FLT1: variants seen among roughly 807,000 people sequenced by gnomAD.
The protein encoded by FLT1 is fms related receptor tyrosine kinase 1, also known as vascular endothelial growth factor receptor 1.
A neutral mutation model predicts 156.3 loss-of-function variants in FLT1; 49 were observed. The observed-to-expected ratio is 0.31, with a 90% CI of 0.25 to 0.40. FLT1 has a LOEUF of 0.40. Ranked by LOEUF, FLT1 falls within the 10% of genes least tolerant of loss-of-function variation. FLT1 has a pLI of 1.00. For missense variants in FLT1, 1,322 were observed against 1,637.2 expected, an observed-to-expected ratio of 0.81 and a Z score of 3.32; for synonymous variants, 594 against 583.8, an observed-to-expected ratio of 1.02 and a Z score of -0.25.
At chr13:28,363,653 G>A (rs1217053952) in intron 14 of FLT1, among the ~76,000 whole-genome samples, 2 of 150,756 alleles carry the variant, frequency 1.3e-5, no homozygotes, top group African/African-American at 2.4e-5. Context: ...TGTTGCTGTC[G>A]CCCAGGCTGG....
intron 14 of FLT1, among the ~76,000 whole-genome samples, chr13:28,359,810 G>A (rs1873041625): frequency 6.6e-6 from 1 of 152,120 alleles, no homozygotes; most frequent in African/African-American, 2.4e-5. Flanking sequence ...TCACAAAAAT[G>A]TAAATCAAAA....
At chr13:28,348,014 C>T (rs1872621256) in intron 15 of FLT1, among the ~76,000 whole-genome samples, 1 of 152,180 alleles carries the variant, frequency 6.6e-6, no homozygotes, top group Non-Finnish European at 1.5e-5. Context: ...AGATTAATCA[C>T]TTCCTATTGG....
chr13:28,478,737 C>T (rs965231), intron 1 of FLT1, among the ~76,000 whole-genome samples: 1,591 of 152,266 alleles, frequency 0.01, 67 homozygotes, highest in Admixed American at 0.064. Context: ...CCAAATAGTG[C>T]CTTCACATTT....
At position 28,332,305 on chromosome 13, in the gene FLT1, G is replaced by A. The variant is rs12873812; in HGVS notation, c.2593+1720C>T. Reference sequence around the variant, plus strand: ...CCCTATAACCCTTTCCTCTTTGGAGGAAAAAAACCAGGTGCTGGTTCAGCT... The same window carrying A: ...CCCTATAACCCTTTCCTCTTTGGAGAAAAAAAACCAGGTGCTGGTTCAGCT... On this transcript the variant is annotated intron_variant, in intron 18 of 29. Transcript: ENST00000282397. 3.8e-3 allele frequency among the ~76,000 whole-genome samples: 581 copies of A among 152,130 alleles called. 1 individual carries two copies. The highest frequency in any genetic ancestry group is 5.7e-3 in the Non-Finnish European group (390 of 68,006).
At chr13:28,371,588 C>T (rs1413258340) in intron 14 of FLT1, among the ~76,000 whole-genome samples, 1 of 152,050 alleles carries the variant, frequency 6.6e-6, no homozygotes, top group Non-Finnish European at 1.5e-5. Context: ...CCAAAGCACA[C>T]GAATAGTGAT....
At chr13:28,492,786 C>G (rs926872010) in intron 1 of FLT1, among the ~76,000 whole-genome samples, 1 of 152,184 alleles carries the variant, frequency 6.6e-6, no homozygotes, top group Non-Finnish European at 1.5e-5. Flanking sequence ...GATTGTTTTA[C>G]TGTGAGATGC....
intron 11 of FLT1, among the ~76,000 whole-genome samples, chr13:28,400,592 C>T (rs955438360): frequency 3.9e-5 from 6 of 152,094 alleles, no homozygotes; most frequent in Non-Finnish European, 8.8e-5. Flanking sequence ...TAGAAGGCAG[C>T]TTTGCATGAG....
chr13:28,487,455 T>C (rs1473200538), intron 1 of FLT1, among the ~76,000 whole-genome samples: 2 of 152,236 alleles, frequency 1.3e-5, no homozygotes, highest in Non-Finnish European at 2.9e-5. Flanking sequence ...GTAGTCCACA[T>C]GGGTGGTTCG....
intron 14 of FLT1, among the ~76,000 whole-genome samples, chr13:28,358,843 A>G (rs1285322391): frequency 1.3e-5 from 2 of 152,194 alleles, no homozygotes. Flanking sequence ...GGTCTGGCAC[A>G]GGGAAGGAGA....
intron 10 of FLT1, among the ~76,000 whole-genome samples, chr13:28,418,191 G>T (rs1876769000): frequency 6.6e-6 from 1 of 152,134 alleles, no homozygotes; most frequent in Admixed American, 6.5e-5. Flanking sequence ...CCTGAGGCTG[G>T]TCTTATTTAG....
intron 3 of FLT1, among the ~76,000 whole-genome samples, chr13:28,455,173 C>A (rs1879190284): frequency 6.6e-6 from 1 of 152,032 alleles, no homozygotes; most frequent in African/African-American, 2.4e-5. Context: ...TATGGAGAGG[C>A]AAAAGACCCA....
At chr13:28,429,991 T>C in intron 8 of FLT1, 59 bp downstream of exon 8, 2 of 1,134,696 alleles carry the variant, frequency 1.8e-6, no homozygotes, top group South Asian at 2.4e-5. Flanking sequence ...ATTAGGCTCT[T>C]GCAGCTTCCC....
intron 16 of FLT1, among the ~76,000 whole-genome samples, chr13:28,342,954 C>G (rs1045888004): frequency 6.8e-6 from 1 of 146,852 alleles, no homozygotes; most frequent in Admixed American, 6.7e-5. Flanking sequence ...CTTTCTCTCT[C>G]TCTCTCTCTC....
rs1877452039 is a variant in FLT1, at chr13:28,428,019, T to C, written c.1107-98A>G. The C allele has an allele frequency of 1.8e-5, 18 of 996,734 alleles. No individual in the cohort carries two copies. In the South Asian group the frequency reaches 2.1e-4, roughly 12 times the overall value. 61.7% of individuals were successfully genotyped at this position (996,734 alleles called of 1,614,324 possible). ...AAGTTTTTGAGCTCAAGTTGACCAA[T>C]TTCAAACCTTTGATCATCAGTGTTG... On this transcript the variant is annotated intron_variant, in intron 8 of 29. Coordinates refer to ENST00000282397, the MANE Select transcript of FLT1 (RefSeq NM_002019.4).
chr13:28,421,652 A>G (rs1877010273), intron 10 of FLT1, among the ~76,000 whole-genome samples: 1 of 152,174 alleles, frequency 6.6e-6, no homozygotes, highest in South Asian at 2.1e-4. Context: ...TCATAAGTTG[A>G]AATTTTCTGT....
chr13:28,467,211 A>G, intron 2 of FLT1, 82 bp from the exon 3 acceptor site: 1 of 1,015,000 alleles, frequency 9.9e-7, no homozygotes, highest in Non-Finnish European at 1.6e-6. Flanking sequence ...TCATTTTATT[A>G]GGAAGCGGAG....
chr13:28,355,979 G>T (rs182583325), intron 15 of FLT1, among the ~76,000 whole-genome samples: 1 of 152,204 alleles, frequency 6.6e-6, no homozygotes, highest in East Asian at 1.9e-4. Flanking sequence ...CTACAAACAC[G>T]CAAAAACGTC....
chr13:28,389,146 TAAA>T (rs5802479), intron 13 of FLT1: 282 of 997,502 alleles, frequency 2.8e-4, no homozygotes, highest in East Asian at 9.7e-4. Context: ...GTGCTTAACG[TAAA>T]AAAAAAAAAA....
At chr13:28,434,019 C>T (rs2137552466) in intron 5 of FLT1, 39 bp downstream of exon 5, 1 of 1,613,868 alleles carries the variant, frequency 6.2e-7, no homozygotes, top group Non-Finnish European at 8.5e-7. Context: ...AAATACAGAG[C>T]ACTTCGGCTT....
Sources: allele counts gnomAD v4.1 joint callset (sites outside exome capture counted in the v4.1 genomes callset), GRCh38; gene constraint gnomAD v4.1.1; transcripts MANE v1.5; gene names NCBI Gene and HGNC (gene_info 2026-07-23, HGNC 2026-07-21).